The following LPP variants were observed in gnomAD, a reference collection of about 807,000 sequenced individuals.
LPP encodes the protein LIM domain containing preferred translocation partner in lipoma, also known as lipoma-preferred partner.
Under a neutral mutation model 60.4 loss-of-function variants are expected in LPP, and 38 were observed. The observed-to-expected ratio is 0.63, with a 90% confidence interval of 0.49 to 0.83. LPP has a LOEUF of 0.83. LPP is among the 40% of genes least tolerant of loss of function. The pLI is 0.00. For synonymous variants in LPP, 328 were observed against 290.8 expected (o/e 1.13, Z -1.30); for missense variants, 902 against 783.6 (o/e 1.15, Z -1.80).
chr3:188,384,656 G>A (rs192258343), intron 3 of LPP, among the ~76,000 whole-genome samples: 2 of 152,158 alleles, frequency 1.3e-5, no homozygotes, highest in Admixed American at 1.3e-4. Context: ...CAGGCATGGT[G>A]GCACATGCCT....
chr3:188,776,249 C>T (rs1003819836), intron 9 of LPP, among the ~76,000 whole-genome samples: 2 of 152,190 alleles, frequency 1.3e-5, no homozygotes, highest in African/African-American at 4.8e-5. Flanking sequence ...GGACTGGCAT[C>T]GAGAAAGACC....
intron 4 of LPP, among the ~76,000 whole-genome samples, chr3:188,408,150 T>A (rs1309557785): frequency 1.3e-5 from 2 of 152,118 alleles, no homozygotes; most frequent in Non-Finnish European, 2.9e-5. Flanking sequence ...TTTTGTCTCC[T>A]AACTTTTGGG....
rs567723645 is a variant in LPP at position 188,756,077 on chromosome 3, G to C, written c.1241-4036G>C. Reference sequence around the variant, plus strand: ...ATATCAGAACAATCAGGAAGCCATTGCAATAGCCTTTGAAAGGAAGGGTGA... The same window carrying C: ...ATATCAGAACAATCAGGAAGCCATTCCAATAGCCTTTGAAAGGAAGGGTGA... On this transcript the variant is annotated intron_variant, in intron 8 of 11. Transcript: ENST00000617246. Among the ~76,000 whole-genome samples, 270 of 152,208 alleles carry C rather than the reference G, an allele frequency of 1.8e-3. 1 individual carries two copies. Among genetic ancestry groups the C allele is most frequent in the African/African-American group, 6.2e-3 (259 of 41,548 alleles).
chr3:188,887,915 T>A lies in LPP; in HGVS notation c.*13436T>A, dbSNP rs1770865178. 4.7e-6 allele frequency: 1 copy of A among 210,680 alleles called. No individual in the cohort carries two copies. Among genetic ancestry groups the A allele is most frequent in the South Asian group, 1.9e-4 (1 of 5,354 alleles). The allele number at this position is 210,680 out of a possible 1,614,324, so 13.1% of individuals were successfully genotyped here. A position where few individuals can be genotyped will look rare whatever the true frequency, so the allele number is the denominator to read the frequency against. The stretch of plus-strand genomic sequence containing the variant: ...CTTTATTAGGCAAAGTCAGAATATT[T>A]CCCCTCTGAAAATCTGAATTATGCC... On this transcript the variant is annotated 3_prime_UTR_variant, in exon 12 of 12. Transcript: ENST00000617246.
intron 4 of LPP, among the ~76,000 whole-genome samples, chr3:188,428,453 A>G (rs2149119047): frequency 6.6e-6 from 1 of 152,208 alleles, no homozygotes; most frequent in East Asian, 1.9e-4. Context: ...ATTGCAGTGG[A>G]CTTTACATGT....
At position 188,341,657 on chromosome 3, in the gene LPP, C is replaced by T. The variant is rs536066418; in HGVS notation, c.-66-6C>T. 3.3e-4 allele frequency: 326 copies of T among 981,202 alleles called. No homozygotes were observed. The highest frequency in any genetic ancestry group is 1.4e-3 in the Admixed American group (22 of 16,272). The allele number at this position is 981,202 out of a possible 1,614,324, so 60.8% of individuals were successfully genotyped here. A position where few individuals can be genotyped will look rare whatever the true frequency, so the allele number is the denominator to read the frequency against. On this transcript the variant is annotated splice_region_variant and splice_polypyrimidine_tract_variant and intron_variant, in intron 2 of 11. Coordinates refer to ENST00000617246, the MANE Select transcript of LPP (RefSeq NM_001375462.1). ...AATTTTTACTTATTTCATTTGTAAA[C>T]ACTAGCATTGCAGTTGGCTGAACCT...
chr3:188,426,309 C>G (rs1789331764), intron 4 of LPP, among the ~76,000 whole-genome samples: 1 of 152,162 alleles, frequency 6.6e-6, no homozygotes, highest in African/African-American at 2.4e-5. Context: ...GCACTGTAGA[C>G]TGAGAAACTG....
In LPP at chr3:188,882,455, T is replaced by C; in HGVS notation, c.*7976T>C. ...ACTTGCTTTTCCCATCTCTTTATAA[T>C]TGGAAGAGAAGATGATCTGCCAAAA... is the stretch of plus-strand genomic sequence containing the variant. On this transcript the variant is annotated 3_prime_UTR_variant, in exon 12 of 12. Coordinates refer to ENST00000617246, the MANE Select transcript of LPP (RefSeq NM_001375462.1). 1 of 226,892 alleles carries C rather than the reference T, an allele frequency of 4.4e-6. No individual in the cohort carries two copies. Among genetic ancestry groups the C allele is most frequent in the Non-Finnish European group, 8.8e-6 (1 of 114,076 alleles). 14.1% of individuals were successfully genotyped at this position (226,892 alleles called of 1,614,324 possible).
At chr3:188,806,248 G>A (rs1364517729) in intron 9 of LPP, among the ~76,000 whole-genome samples, 1 of 151,740 alleles carries the variant, frequency 6.6e-6, no homozygotes, top group African/African-American at 2.4e-5. Flanking sequence ...GTATTTTGAA[G>A]CCATACTGTT....
intron 9 of LPP, among the ~76,000 whole-genome samples, chr3:188,865,329 A>G (rs960804615): frequency 3.9e-5 from 6 of 152,170 alleles, no homozygotes; most frequent in African/African-American, 1.4e-4. Context: ...TTCTTAATTC[A>G]CTTTTTCAAA....
At chr3:188,361,157 T>A (rs1769188263) in intron 3 of LPP, among the ~76,000 whole-genome samples, 1 of 152,172 alleles carries the variant, frequency 6.6e-6, no homozygotes, top group African/African-American at 2.4e-5. Flanking sequence ...ATACCAATAG[T>A]TGTGAGCTTA....
At chr3:188,556,927 A>G (rs1829618109) in intron 6 of LPP, among the ~76,000 whole-genome samples, 1 of 152,066 alleles carries the variant, frequency 6.6e-6, no homozygotes, top group African/African-American at 2.4e-5. Context: ...ATAATAGTTA[A>G]TGTCTTGTTA....
At chr3:188,552,913 C>G (rs1461304014) in intron 6 of LPP, among the ~76,000 whole-genome samples, 1 of 152,062 alleles carries the variant, frequency 6.6e-6, no homozygotes, top group Non-Finnish European at 1.5e-5. Context: ...GAGGGCTGTT[C>G]TTATGCTTAT....
At chr3:188,728,337 A>G (rs183010420) in intron 8 of LPP, among the ~76,000 whole-genome samples, 102 of 152,338 alleles carry the variant, frequency 6.7e-4, no homozygotes, top group African/African-American at 1.9e-3. Context: ...TTAAAATGTC[A>G]CTTATAACTA....
Position 188,649,989 on chromosome 3 carries a change from GCTAT to G in LPP, c.1113+40159_1113+40162del, listed in dbSNP as rs199728025. Among the ~76,000 whole-genome samples the G allele has an allele frequency of 9.4e-3, 1,432 of 152,194 alleles. 20 individuals carry two copies. Among genetic ancestry groups the G allele is most frequent in the African/African-American group, 0.032 (1,346 of 41,520 alleles). On this transcript the variant is annotated intron_variant, in intron 7 of 11. Coordinates refer to ENST00000617246, the MANE Select transcript of LPP (RefSeq NM_001375462.1). ...TTATTATTTAATATTTACAGCTAAA[GCTAT>G]CTATCTATCTATCCATCTGTCTGTC...
In LPP at chr3:188,302,394, A is replaced by G. The variant is rs903819999; in HGVS notation, c.-66-39269A>G. 3.3e-5 allele frequency among the ~76,000 whole-genome samples: 5 copies of G among 152,342 alleles called. No homozygotes were observed. In the East Asian group the frequency reaches 9.6e-4, roughly 29 times the overall value. ...ATATCAGTTCTCCACTTTAAATTTT[A>G]TGGTAACTCAACCTCTGAAAAGGAT... is the stretch of plus-strand genomic sequence containing the variant. On this transcript the variant is annotated intron_variant, in intron 2 of 11. Transcript: ENST00000617246.
intron 3 of LPP, among the ~76,000 whole-genome samples, chr3:188,403,806 T>C (rs1254491504): frequency 6.6e-6 from 1 of 152,220 alleles, no homozygotes; most frequent in Non-Finnish European, 1.5e-5. Context: ...AGTTTATAAA[T>C]GTGTAAAATA....
At chr3:188,570,624 A>G (rs1833328683) in intron 6 of LPP, among the ~76,000 whole-genome samples, 1 of 152,070 alleles carries the variant, frequency 6.6e-6, no homozygotes, top group Non-Finnish European at 1.5e-5. Context: ...GGCTTAAAAT[A>G]AAAATTGCAA....
chr3:188,625,796 G>T (rs1163266190), intron 7 of LPP, among the ~76,000 whole-genome samples: 1 of 152,150 alleles, frequency 6.6e-6, no homozygotes, highest in Non-Finnish European at 1.5e-5. Flanking sequence ...TCTGCAGACA[G>T]TGACTCCATA....
Sources: allele counts gnomAD v4.1 joint callset (sites outside exome capture counted in the v4.1 genomes callset), GRCh38; gene constraint gnomAD v4.1.1; transcripts MANE v1.5; gene names NCBI Gene and HGNC (gene_info 2026-07-23, HGNC 2026-07-21).